Variants in SSC4D observed in about 807,000 individuals in gnomAD.
SSC4D encodes scavenger receptor cysteine rich family member with 4 domains, also known as scavenger receptor cysteine-rich domain-containing group B protein.
Under a neutral mutation model 63.4 loss-of-function variants are expected in SSC4D, and 57 were observed. The ratio of observed to expected loss-of-function variants is 0.90; its 90% CI spans 0.73 to 1.12. The LOEUF is 1.12. Among genes scored for constraint, SSC4D ranks in the 50% most tolerant of loss-of-function variants. The pLI is 0.00. For missense variants in SSC4D, 791 were observed against 806.4 expected (o/e 0.98, Z 0.23); for synonymous variants, 352 against 345.4 (o/e 1.02, Z -0.21).
intron 2 of SSC4D, among the ~76,000 whole-genome samples, chr7:76,402,354 A>G (rs1451241351): frequency 1.3e-5 from 2 of 151,516 alleles, no homozygotes; most frequent in African/African-American, 2.4e-5. Context: ...TAATTTTTAT[A>G]TTTTTTAGGT....
In SSC4D at chr7:76,390,105, T is replaced by C. The variant is rs1804460883; in HGVS notation, c.1682A>G (p.Asn561Ser). 6.2e-7 allele frequency: 1 copy of C among 1,614,182 alleles called. No individual in the cohort carries two copies. The highest frequency in any genetic ancestry group is 8.5e-7 in the Non-Finnish European group (1 of 1,180,024). ...LCSHIRWDAH[N>S]CDHSEDASVL... The stretch of plus-strand genomic sequence containing the variant: ...ACTGGCATCCTCGCTGTGGTCACAG[T>C]TGTGGGCATCCCAGCGGATATGAGA... Residue 561 changes from asparagine to serine, a missense_variant, in exon 11 of 11, where the codon AAC becomes AGC. Physicochemically the swap from Asn to Ser is conservative, Grantham distance 46. Coordinates refer to ENST00000275560, the MANE Select transcript of SSC4D (RefSeq NM_080744.2).
intron 8 of SSC4D, 54 bp from the exon 9 acceptor site, chr7:76,393,770 C>CG: frequency 3.7e-6 from 5 of 1,339,716 alleles, no homozygotes; most frequent in Non-Finnish European, 3.8e-6. Context: ...CTGCCGGCTC[C>CG]CGGCAGAGCC....
At chr7:76,394,308 G>A (rs1010966851) in intron 7 of SSC4D, among the ~76,000 whole-genome samples, 4 of 151,832 alleles carry the variant, frequency 2.6e-5, no homozygotes, top group Non-Finnish European at 4.4e-5. Context: ...GCAGTGGTGC[G>A]ATCATAGCTC....
rs904890104 is a variant in SSC4D at position 76,397,649 on chromosome 7, T to G, written c.737A>C (p.Tyr246Ser). ...MAATTNAFFGYGTGHILLDNV... is the reference protein window; with the variant it reads ...MAATTNAFFGSGTGHILLDNV... ...GTCCAGCAGGATGTGTCCGGTGCCA[T>G]AGCCGAAGAAGGCGTTGGTGGTGGC... is the stretch of plus-strand genomic sequence containing the variant. Residue 246 changes from tyrosine to serine, a missense_variant, in exon 6 of 11, where the codon TAT becomes TCT. Coordinates refer to ENST00000275560, the MANE Select transcript of SSC4D (RefSeq NM_080744.2). The G allele has an allele frequency of 1.9e-6, 3 of 1,613,766 alleles. No individual in the cohort carries two copies. The highest frequency in any genetic ancestry group is 1.7e-5 in the Admixed American group (1 of 60,002).
intron 2 of SSC4D, among the ~76,000 whole-genome samples, 163 bp downstream of exon 2, chr7:76,404,144 A>G (rs746183551): frequency 6.6e-6 from 1 of 152,000 alleles, no homozygotes; most frequent in Non-Finnish European, 1.5e-5. Context: ...TCATTCCCCA[A>G]ACTCAGACTC....
chr7:76,398,944 GTA>G lies in SSC4D; in HGVS notation c.476-149_476-148del, dbSNP rs1804727838. On this transcript the variant is annotated intron_variant, in intron 4 of 10. Transcript: ENST00000275560. ...AAGAGTCACAGCCAGGAACACTGGG[GTA>G]TGAGAGGAGAGGGTCCACACCAGAG... 5 of 743,270 alleles carry G rather than the reference GTA, an allele frequency of 6.7e-6. No homozygotes were observed. In the South Asian group the frequency reaches 7.1e-5, roughly 11 times the overall value. 46.0% of individuals were successfully genotyped at this position (743,270 alleles called of 1,614,324 possible). A position where few individuals can be genotyped will look rare whatever the true frequency, so the allele number is the denominator to read the frequency against.
At chr7:76,402,180 C>CTTT (rs1250500290) in intron 2 of SSC4D, among the ~76,000 whole-genome samples, 1 of 121,162 alleles carries the variant, frequency 8.3e-6, no homozygotes, top group Non-Finnish European at 1.9e-5. Flanking sequence ...CCCTGCCCAG[C>CTTT]TATTTTTTTT....
At chr7:76,409,207 G>A (rs1304047617) in intron 1 of SSC4D, among the ~76,000 whole-genome samples, 1 of 152,048 alleles carries the variant, frequency 6.6e-6, no homozygotes, top group Non-Finnish European at 1.5e-5. Flanking sequence ...GAATCAAGGT[G>A]ATGGCTACAG....
Position 76,398,730 on chromosome 7 carries a change from C to G in SSC4D, c.543G>C (p.Pro181=). 1 of 1,613,194 alleles carries G rather than the reference C, an allele frequency of 6.2e-7. No individual in the cohort carries two copies. Among genetic ancestry groups the G allele is most frequent in the Non-Finnish European group, 8.5e-7 (1 of 1,179,408 alleles). The change falls in exon 5 of 11, where the codon CCG becomes CCC. Residue 181 remains proline, a synonymous_variant. Coordinates refer to ENST00000275560, the MANE Select transcript of SSC4D (RefSeq NM_080744.2). ...ATTATGCTTACGTACTTTTTCCATT[C>G]GGCAGTGTCGTAGGAGGTGCTCTAC... is the stretch of plus-strand genomic sequence containing the variant. ...LTSRAPPTTL[P]NGKSEGSVRL... is the part of the protein sequence containing the mutation.
chr7:76,394,544 G>A (rs1804585289), intron 7 of SSC4D, among the ~76,000 whole-genome samples: 1 of 151,350 alleles, frequency 6.6e-6, no homozygotes, highest in Non-Finnish European at 1.5e-5. Flanking sequence ...CCAAGTAGCT[G>A]GGATTACAGG....
intron 4 of SSC4D, 119 bp downstream of exon 4, chr7:76,400,167 C>T: frequency 8.6e-7 from 1 of 1,161,248 alleles, no homozygotes; most frequent in Non-Finnish European, 1.1e-6. Context: ...GCATTGTAGC[C>T]TCTGGCCTGA....
Position 76,401,032 on chromosome 7 carries a change from G to C in SSC4D, c.145C>G (p.Gln49Glu). ...LLLLPLASAL[Q>E]PTPLPFQELR... ...CCTTGAAAGGGCAGTGGAGTGGGCTGTAGGGCGCTGGCTGAAACAGAGTGA... is the reference window on the plus strand; with the variant it reads ...CCTTGAAAGGGCAGTGGAGTGGGCTCTAGGGCGCTGGCTGAAACAGAGTGA... Residue 49 changes from glutamine (Q) to glutamate (E), a missense_variant, in exon 3 of 11, where the codon CAG becomes GAG. By Grantham distance (29) the Gln-to-Glu change is conservative. Coordinates refer to ENST00000275560, the MANE Select transcript of SSC4D (RefSeq NM_080744.2). 5 of 1,549,108 alleles carry C rather than the reference G, an allele frequency of 3.2e-6. No homozygotes were observed. The highest frequency in any genetic ancestry group is 3.5e-6 in the Non-Finnish European group (4 of 1,145,704).
rs531388022 is a variant in SSC4D, at chr7:76,404,386, C to A, written c.54G>T (p.Trp18Cys). Residue 18 changes from tryptophan (W) to cysteine (C), a missense_variant, in exon 2 of 11, where the codon TGG (tryptophan) becomes TGT (cysteine). Coordinates refer to ENST00000275560, the MANE Select transcript of SSC4D (RefSeq NM_080744.2). Reference sequence around the variant, plus strand: ...CACTCCCATCTCCCAACCTCCACCCCCAGCGCTTCTCATCCAGCTGGGGAC... The same window carrying A: ...CACTCCCATCTCCCAACCTCCACCCACAGCGCTTCTCATCCAGCTGGGGAC... ...LIGPQLDEKR[W>C]GWRLGDGSAA... 1 of 1,613,976 alleles carries A rather than the reference C, an allele frequency of 6.2e-7. No individual in the cohort carries two copies. Among genetic ancestry groups the A allele is most frequent in the Non-Finnish European group, 8.5e-7 (1 of 1,179,972 alleles).
rs6951132 is a variant in SSC4D, at chr7:76,402,490, T to A, written c.134-1447A>T. ...AGCCACCGCTCCTGGCCTAATTTTT[T>A]AATTTTTTGTAGAGACAGGGGTCTC... On this transcript the variant is annotated intron_variant, in intron 2 of 10. Transcript: ENST00000275560. 9.6e-3 allele frequency among the ~76,000 whole-genome samples: 1,462 copies of A among 151,984 alleles called. 24 individuals carry two copies. The highest frequency in any genetic ancestry group is 0.034 in the African/African-American group (1,408 of 41,448).
chr7:76,400,862 A>T, intron 3 of SSC4D, 146 bp downstream of exon 3: 1 of 1,227,572 alleles, frequency 8.1e-7, no homozygotes, highest in Admixed American at 2.3e-5. Flanking sequence ...TCCCTTCTGG[A>T]AAATGGGGAG....
chr7:76,400,919 G>T, intron 3 of SSC4D, 89 bp downstream of exon 3: 1 of 1,511,400 alleles, frequency 6.6e-7, no homozygotes. Context: ...AGGGGGGCTG[G>T]TTAGTCATCA....
chr7:76,398,259 C>T (rs10155894), intron 5 of SSC4D, among the ~76,000 whole-genome samples: 36,022 of 151,194 alleles, frequency 0.24, 4,635 homozygotes, highest in East Asian at 0.46. Flanking sequence ...TTGGGCTCAT[C>T]TGACCTTCCT....
intron 1 of SSC4D, among the ~76,000 whole-genome samples, chr7:76,408,684 G>A (rs1805125955): frequency 6.6e-6 from 1 of 152,138 alleles, no homozygotes; most frequent in Non-Finnish European, 1.5e-5. Context: ...CCTCTGCCAA[G>A]CCTGCCTCCT....
At chr7:76,405,311 A>T (rs1174265893) in intron 1 of SSC4D, among the ~76,000 whole-genome samples, 36 of 45,228 alleles carry the variant, frequency 8.0e-4, no homozygotes, top group African/African-American at 2.2e-3. Context: ...ATATATATAT[A>T]TATATGTATT....
Sources: allele counts gnomAD v4.1 joint callset (sites outside exome capture counted in the v4.1 genomes callset), GRCh38; gene constraint gnomAD v4.1.1; transcripts MANE v1.5; gene names NCBI Gene and HGNC (gene_info 2026-07-23, HGNC 2026-07-21).